Variants in KCNAB1 observed in about 807,000 individuals in gnomAD.
KCNAB1 encodes the protein voltage-gated potassium channel subunit beta-1.
In KCNAB1, 35 loss-of-function variants were observed where a neutral mutation model predicts 64.6. The observed-to-expected ratio is 0.54, with a 90% CI of 0.41 to 0.72. The LOEUF is 0.72. Among genes scored for constraint, KCNAB1 ranks in the 30% least tolerant of loss-of-function variants. KCNAB1 has a pLI of 0.00. For synonymous variants in KCNAB1, 177 were observed against 183.8 expected (o/e 0.96, Z 0.30); for missense variants, 401 against 512.9 (o/e 0.78, Z 2.11).
chr3:156,251,570 G>A (rs763963706), intron 1 of KCNAB1, among the ~76,000 whole-genome samples: 2 of 152,070 alleles, frequency 1.3e-5, no homozygotes, highest in Non-Finnish European at 2.9e-5. Context: ...GACAGCTGAT[G>A]GCATTTGCTC....
At chr3:156,295,714 G>C (rs560248933) in intron 1 of KCNAB1, among the ~76,000 whole-genome samples, 2 of 152,276 alleles carry the variant, frequency 1.3e-5, no homozygotes, top group South Asian at 4.1e-4. Flanking sequence ...TTTCCTTAGA[G>C]GGCTTTTTTT....
At chr3:156,294,300 TA>T (rs1253227710) in intron 1 of KCNAB1, among the ~76,000 whole-genome samples, 4 of 152,212 alleles carry the variant, frequency 2.6e-5, no homozygotes, top group Non-Finnish European at 5.9e-5. Flanking sequence ...TTAAGGTAAC[TA>T]AACAAGATGC....
chr3:156,354,295 T>TGG (rs1725084984), intron 1 of KCNAB1, among the ~76,000 whole-genome samples: 1 of 151,502 alleles, frequency 6.6e-6, no homozygotes. Flanking sequence ...CCCGAGCAGC[T>TGG]GGGATTACAG....
intron 2 of KCNAB1, among the ~76,000 whole-genome samples, chr3:156,421,971 T>A (rs1576844268): frequency 6.6e-6 from 1 of 152,318 alleles, no homozygotes; most frequent in South Asian, 2.1e-4. Context: ...GCATGCATTT[T>A]ATAGGTTCAG....
At chr3:156,423,187 C>G (rs375388066) in intron 2 of KCNAB1, among the ~76,000 whole-genome samples, 4 of 152,308 alleles carry the variant, frequency 2.6e-5, no homozygotes, top group African/African-American at 9.6e-5. Flanking sequence ...TGGCACTGAG[C>G]AGACAAGTGG....
Position 156,120,730 on chromosome 3 carries a change from A to G in KCNAB1, c.119A>G (p.Glu40Gly). The change falls in exon 1 of 14, where the codon GAA becomes GGA. Residue 40 changes from glutamate (E) to glycine (G), a missense_variant. Coordinates refer to ENST00000490337, the MANE Select transcript of KCNAB1 (RefSeq NM_172160.3). ...GKDKSPKKAS[E>G]NAKDSSLSPS... ...GACAAATCTCCCAAGAAAGCCTCAGAAAACGCTAAAGACAGCAGCCTTAGT... is the reference window on the plus strand; with the variant it reads ...GACAAATCTCCCAAGAAAGCCTCAGGAAACGCTAAAGACAGCAGCCTTAGT... 1 of 1,614,258 alleles carries G rather than the reference A, an allele frequency of 6.2e-7. No individual in the cohort carries two copies. The highest frequency in any genetic ancestry group is 8.5e-7 in the Non-Finnish European group (1 of 1,180,042).
chr3:156,535,972 T>C (rs562278844), intron 13 of KCNAB1, among the ~76,000 whole-genome samples: 18 of 152,292 alleles, frequency 1.2e-4, no homozygotes, highest in South Asian at 2.1e-4. Context: ...ACCATCCGTA[T>C]CCTGTTCTTA....
intron 1 of KCNAB1, among the ~76,000 whole-genome samples, chr3:156,361,515 T>C (rs1462876407): frequency 1.3e-5 from 2 of 152,236 alleles, no homozygotes; most frequent in Non-Finnish European, 2.9e-5. Flanking sequence ...AGGTATTTAT[T>C]GTCAGCCACT....
chr3:156,221,784 G>C (rs4680246), intron 1 of KCNAB1, among the ~76,000 whole-genome samples: 96,551 of 137,604 alleles, frequency 0.7, 33,430 homozygotes, highest in East Asian at 0.87. Flanking sequence ...ATCCCCCCCC[G>C]CCAAAAAAAA....
chr3:156,501,300 T>G (rs1716384325), intron 8 of KCNAB1, among the ~76,000 whole-genome samples: 2 of 152,166 alleles, frequency 1.3e-5, no homozygotes, highest in South Asian at 4.1e-4. Context: ...TAAAAAGATT[T>G]TAAAAGATGT....
chr3:156,290,701 C>G (rs1331792705), intron 1 of KCNAB1, among the ~76,000 whole-genome samples: 1 of 152,158 alleles, frequency 6.6e-6, no homozygotes, highest in Admixed American at 6.5e-5. Context: ...CATGCCTGGA[C>G]CTTACTGGGT....
chr3:156,493,394 TC>T (rs1715776548), intron 8 of KCNAB1, among the ~76,000 whole-genome samples: 1 of 152,142 alleles, frequency 6.6e-6, no homozygotes, highest in Non-Finnish European at 1.5e-5. Context: ...AATTATATTA[TC>T]CTTTTTGGAG....
intron 1 of KCNAB1, among the ~76,000 whole-genome samples, chr3:156,368,849 A>G (rs1726123091): frequency 6.6e-6 from 1 of 152,220 alleles, no homozygotes; most frequent in Admixed American, 6.5e-5. Flanking sequence ...GTCCCTTAGT[A>G]AAGGAAATGC....
intron 1 of KCNAB1, among the ~76,000 whole-genome samples, chr3:156,269,210 T>C (rs1718892254): frequency 6.6e-6 from 1 of 152,200 alleles, no homozygotes; most frequent in Non-Finnish European, 1.5e-5. Flanking sequence ...TTCAGTTCCA[T>C]TGGTATATAT....
intron 11 of KCNAB1, among the ~76,000 whole-genome samples, chr3:156,516,831 T>G (rs1178044790): frequency 6.6e-6 from 1 of 152,190 alleles, no homozygotes; most frequent in African/African-American, 2.4e-5. Flanking sequence ...ACACTTTTTA[T>G]TGTGTGTTGG....
At chr3:156,403,919 T>C (rs1053692575) in intron 1 of KCNAB1, among the ~76,000 whole-genome samples, 3 of 144,228 alleles carry the variant, frequency 2.1e-5, no homozygotes, top group East Asian at 3.9e-4. Context: ...AGGGAGGTGG[T>C]CCCATGCATA....
At chr3:156,193,737 C>T (rs1254124864) in intron 1 of KCNAB1, among the ~76,000 whole-genome samples, 1 of 152,130 alleles carries the variant, frequency 6.6e-6, no homozygotes, top group Non-Finnish European at 1.5e-5. Flanking sequence ...GATCCAAACA[C>T]CTCCTACCAG....
intron 1 of KCNAB1, among the ~76,000 whole-genome samples, chr3:156,385,796 A>G (rs1458358249): frequency 6.6e-6 from 1 of 152,228 alleles, no homozygotes; most frequent in Non-Finnish European, 1.5e-5. Context: ...CTCATTAAGT[A>G]TATCTATAAA....
intron 1 of KCNAB1, among the ~76,000 whole-genome samples, chr3:156,265,539 A>C (rs1718650368): frequency 6.6e-6 from 1 of 152,212 alleles, no homozygotes; most frequent in African/African-American, 2.4e-5. Context: ...TACCTGAGCC[A>C]ACACTGCTGT....
Sources: gnomAD v4.1 joint callset for allele counts (sites outside exome capture counted in the v4.1 genomes callset) on GRCh38, gnomAD v4.1.1 for gene constraint, MANE v1.5 for transcripts, NCBI Gene and HGNC (gene_info 2026-07-23, HGNC 2026-07-21) for gene names.